Variants in CRB1 observed in about 807,000 individuals in gnomAD.
CRB1 encodes protein crumbs homolog 1.
In CRB1, 83 loss-of-function variants were observed where a neutral mutation model predicts 120.0. The observed-to-expected ratio is 0.69, with a 90% confidence interval of 0.58 to 0.83. CRB1 has a LOEUF of 0.83. CRB1 is among the 40% of genes least tolerant of loss of function. The pLI is 0.00. For missense variants in CRB1, 1,699 were observed against 1,687.6 expected, an observed-to-expected ratio of 1.01 and a Z score of -0.12; for synonymous variants, 625 against 612.5, an observed-to-expected ratio of 1.02 and a Z score of -0.30.
chr1:197,329,730 C>G (rs643025), intron 2 of CRB1, among the ~76,000 whole-genome samples: 105,417 of 152,084 alleles, frequency 0.69, 36,749 homozygotes, highest in East Asian at 0.92. Context: ...GGCCACATTT[C>G]TTGCTTTGCT....
At chr1:197,473,410 C>T (rs1237013332) in intron 11 of CRB1, among the ~76,000 whole-genome samples, 1 of 152,098 alleles carries the variant, frequency 6.6e-6, no homozygotes, top group Non-Finnish European at 1.5e-5. Context: ...CATGGAATAA[C>T]CTTGCTTGGG....
the CRB1 span, among the ~76,000 whole-genome samples, chr1:197,242,121 T>G: frequency 2.0e-5 from 3 of 152,110 alleles, no homozygotes; most frequent in Non-Finnish European, 4.4e-5. Context: ...AATATACAAT[T>G]ATGTCATCTG....
In CRB1 at chr1:197,422,141, T is replaced by C. The variant is rs529520842; in HGVS notation, c.2128+185T>C. ...GTGATGTGCGTTAATTAATTTTGAG[T>C]GGATTCATAGGACATCAGTTTCACT... On this transcript the variant is annotated intron_variant, in intron 6 of 11. Coordinates refer to ENST00000367400, the MANE Select transcript of CRB1 (RefSeq NM_201253.3). 2.0e-5 allele frequency among the ~76,000 whole-genome samples: 3 copies of C among 152,186 alleles called. No homozygotes were observed. The East Asian group carries it at 5.8e-4, about 29-fold the overall frequency.
intron 11 of CRB1, chr1:197,443,736 G>T (rs1665569298): frequency 1.3e-5 from 2 of 151,418 alleles, no homozygotes; most frequent in Admixed American, 6.6e-5. Flanking sequence ...GATCTATAAA[G>T]TATACTAAGA....
Position 197,447,813 on chromosome 1 carries a change from C to A in CRB1, c.4005+5521C>A, listed in dbSNP as rs191836912. On this transcript the variant is annotated intron_variant, in intron 11 of 11. Transcript: ENST00000367400. ...AGGCTGCCATGAGCCATGATGGCAC[C>A]ACTGCACTCCAGCCTGGGCAACAGA... is the stretch of plus-strand genomic sequence containing the variant. Among the ~76,000 whole-genome samples, 172 of 148,720 alleles carry A rather than the reference C, an allele frequency of 1.2e-3. 1 individual carries two copies. The Middle Eastern group carries it at 0.017, about 15-fold the overall frequency.
At chr1:197,232,955 A>G in the CRB1 span, among the ~76,000 whole-genome samples, 15 of 152,024 alleles carry the variant, frequency 9.9e-5, no homozygotes, top group African/African-American at 2.9e-4. Flanking sequence ...CACAGGGTCC[A>G]CTGGTTCCAA....
At chr1:197,249,180 A>T in the CRB1 span, among the ~76,000 whole-genome samples, 1 of 151,838 alleles carries the variant, frequency 6.6e-6, no homozygotes, top group Non-Finnish European at 1.5e-5. Context: ...TCCTTTGGAG[A>T]TTTTTATAGT....
intron 11 of CRB1, among the ~76,000 whole-genome samples, chr1:197,472,586 G>A (rs1233434055): frequency 6.6e-6 from 1 of 152,082 alleles, no homozygotes; most frequent in Non-Finnish European, 1.5e-5. Flanking sequence ...TTCAAATGCT[G>A]TCATCGGCCC....
At chr1:197,287,681 C>A (rs1264411528) in intron 1 of CRB1, among the ~76,000 whole-genome samples, 4 of 151,732 alleles carry the variant, frequency 2.6e-5, no homozygotes, top group Admixed American at 2.6e-4. Flanking sequence ...GGATGGCTCA[C>A]AAATAGAATT....
chr1:197,324,531 A>G (rs1658387123), intron 1 of CRB1, among the ~76,000 whole-genome samples: 1 of 152,098 alleles, frequency 6.6e-6, no homozygotes, highest in African/African-American at 2.4e-5. Flanking sequence ...GATAATGCTC[A>G]CTCTGTGCCA....
At chr1:197,383,517 T>A (rs1662062119) in intron 5 of CRB1, among the ~76,000 whole-genome samples, 1 of 152,208 alleles carries the variant, frequency 6.6e-6, no homozygotes, top group South Asian at 2.1e-4. Context: ...TAAGATACTC[T>A]TTGTTGAATT....
At chr1:197,388,463 T>TA (rs1662332536) in intron 5 of CRB1, among the ~76,000 whole-genome samples, 1 of 152,136 alleles carries the variant, frequency 6.6e-6, no homozygotes, top group South Asian at 2.1e-4. Context: ...CTCTCTTCCC[T>TA]ATTCATCAAG....
At chr1:197,390,270 G>T (rs1027350762) in intron 5 of CRB1, among the ~76,000 whole-genome samples, 2 of 152,006 alleles carry the variant, frequency 1.3e-5, no homozygotes, top group African/African-American at 4.8e-5. Context: ...ATAAAAATGT[G>T]TTTTAAATAA....
intron 5 of CRB1, among the ~76,000 whole-genome samples, chr1:197,358,536 A>C (rs761233211): frequency 6.6e-6 from 1 of 152,192 alleles, no homozygotes; most frequent in Non-Finnish European, 1.5e-5. Context: ...GACTGCCCCA[A>C]ATCTCTGTGG....
chr1:197,289,918 T>A (rs927109104), intron 1 of CRB1, among the ~76,000 whole-genome samples: 14 of 151,580 alleles, frequency 9.2e-5, no homozygotes, highest in Non-Finnish European at 1.8e-4. Flanking sequence ...GTTATATATC[T>A]TATGTAGATG....
At chr1:197,292,946 G>A (rs865780802) in intron 1 of CRB1, among the ~76,000 whole-genome samples, 22 of 152,222 alleles carry the variant, frequency 1.4e-4, no homozygotes, top group Middle Eastern at 3.4e-3. Context: ...CAAACCCACA[G>A]CCAATATCAT....
rs781261526 is a variant in CRB1, at chr1:197,344,446, A to G, written c.818A>G (p.His273Arg). The G allele has an allele frequency of 6.2e-7, 1 of 1,614,022 alleles. No homozygotes were observed. Among genetic ancestry groups the G allele is most frequent in the South Asian group, 1.1e-5 (1 of 91,080 alleles). Reference sequence around the variant, plus strand: ...GAGTGTGCCAGTCAACCTTGTCTCCATGGAGGGCTGTGTGTGGATGGAGAA... The same window carrying G: ...GAGTGTGCCAGTCAACCTTGTCTCCGTGGAGGGCTGTGTGTGGATGGAGAA... ...TDECASQPCL[H>R]GGLCVDGENR... Residue 273 changes from histidine (H) to arginine (R), a missense_variant, in exon 3 of 12, where the codon CAT (histidine) becomes CGT (arginine). Coordinates refer to ENST00000367400, the MANE Select transcript of CRB1 (RefSeq NM_201253.3).
chr1:197,361,261 A>C (rs1391597396), intron 5 of CRB1, among the ~76,000 whole-genome samples: 1 of 151,858 alleles, frequency 6.6e-6, no homozygotes, highest in African/African-American at 2.4e-5. Context: ...ACCTCATAAA[A>C]TAAGTTGGAA....
chr1:197,378,159 A>T (rs1489979867), intron 5 of CRB1, among the ~76,000 whole-genome samples: 1 of 152,216 alleles, frequency 6.6e-6, no homozygotes, highest in Non-Finnish European at 1.5e-5. Flanking sequence ...AATGGTGGCT[A>T]GAATAAAGTT....
Sources: gnomAD v4.1 joint callset for allele counts (sites outside exome capture counted in the v4.1 genomes callset) on GRCh38, gnomAD v4.1.1 for gene constraint, MANE v1.5 for transcripts, NCBI Gene and HGNC (gene_info 2026-07-23, HGNC 2026-07-21) for gene names.